OTOR: variants seen among roughly 807,000 people sequenced by gnomAD.
The protein encoded by OTOR is otoraplin.
In OTOR, 20 loss-of-function variants were observed where a neutral mutation model predicts 15.9. The ratio of observed to expected loss-of-function variants is 1.26; its 90% CI spans 0.89 to 1.83. The LOEUF (loss-of-function observed/expected upper bound fraction) is 1.83. Among genes scored for constraint, OTOR ranks in the 40% most tolerant of loss-of-function variants. OTOR has a pLI of 0.00. For synonymous variants in OTOR, 53 were observed against 54.2 expected, an observed-to-expected ratio of 0.98 and a Z score of 0.09; for missense variants, 184 against 159.0, an observed-to-expected ratio of 1.16 and a Z score of -0.85.
At chr20:16,748,638 T>C in intron 1 of OTOR, 122 bp downstream of exon 1, 1 of 735,294 alleles carries the variant, frequency 1.4e-6, no homozygotes, top group South Asian at 1.8e-5. Flanking sequence ...GTTATCAGCT[T>C]TGTTTCTTCT....
chr20:16,751,501 G>T lies in OTOR; in HGVS notation c.*383G>T, dbSNP rs2072528962. ...GATTTGCCATATATAAAATAGGTGG[G>T]TCGTATGTCTTCCCTTTAGACATGA... is the stretch of plus-strand genomic sequence containing the variant. On this transcript the variant is annotated 3_prime_UTR_variant, in exon 4 of 4. Transcript: ENST00000246081. The T allele has an allele frequency of 5.7e-6, 1 of 176,202 alleles. No individual in the cohort carries two copies. Among genetic ancestry groups the T allele is most frequent in the African/African-American group, 2.4e-5 (1 of 42,330 alleles). 10.9% of individuals were successfully genotyped at this position (176,202 alleles called of 1,614,324 possible). A position where few individuals can be genotyped will look rare whatever the true frequency, so the allele number is the denominator to read the frequency against.
rs1224724615 is a variant in OTOR at position 16,748,916 on chromosome 20, T to C, written c.165T>C (p.Cys55=). The part of the protein sequence containing the change: ...SAQEDYNAPD[C]RFINVKKGQQ... ...AAGAAGATTATAATGCCCCGGACTG[T>C]AGATTCATTAACGTTAAAAAAGGGC... Residue 55 remains cysteine (C), a synonymous_variant, in exon 2 of 4, where the codon TGT becomes TGC. Coordinates refer to ENST00000246081, the MANE Select transcript of OTOR (RefSeq NM_020157.4). 8 of 1,611,058 alleles carry C rather than the reference T, an allele frequency of 5.0e-6. No homozygotes were observed. The highest frequency in any genetic ancestry group is 1.6e-4 in the Middle Eastern group (1 of 6,072).
intron 3 of OTOR, among the ~76,000 whole-genome samples, chr20:16,750,404 T>TGTGTGTG (rs2072522152): frequency 2.3e-5 from 1 of 43,496 alleles, no homozygotes; most frequent in Non-Finnish European, 3.9e-5. Flanking sequence ...TAGTTACCTT[T>TGTGTGTG]GTGTGTGTGT....
At chr20:16,751,029 A>G (rs536167142) in intron 3 of OTOR, 66 bp from the exon 4 acceptor site, 4 of 1,213,036 alleles carry the variant, frequency 3.3e-6, no homozygotes, top group African/African-American at 3.1e-5. Flanking sequence ...TAAATACAGA[A>G]TCTACATCTG....
At chr20:16,749,812 T>G in intron 2 of OTOR, 91 bp from the exon 3 acceptor site, 1 of 853,754 alleles carries the variant, frequency 1.2e-6, no homozygotes, top group Non-Finnish European at 1.9e-6. Context: ...GCAGCTATGA[T>G]TCTCACTATC....
At position 16,748,952 on chromosome 20, in the gene OTOR, T is replaced by A; in HGVS notation, c.201T>A (p.Tyr67Ter). The A allele has an allele frequency of 6.2e-7, 1 of 1,612,516 alleles. No homozygotes were observed. The change falls in exon 2 of 4, where the codon TAT (tyrosine) becomes TAA (stop). Residue 67 changes from tyrosine to a stop codon, truncating the protein, a stop_gained. Coordinates refer to ENST00000246081, the MANE Select transcript of OTOR (RefSeq NM_020157.4). LOFTEE classifies it high-confidence loss of function. Reference sequence around the variant, plus strand: ...ACGTTAAAAAAGGGCAGCAGATCTATGTGTACTCAAAGCTGGTAAAAGAAA... The same window carrying A: ...ACGTTAAAAAAGGGCAGCAGATCTAAGTGTACTCAAAGCTGGTAAAAGAAA... The part of the protein sequence containing the change: ...FINVKKGQQI[Y>*]VYSKLVKENG...
At position 16,749,938 on chromosome 20, in the gene OTOR, G is replaced by C. The variant is rs2072517767; in HGVS notation, c.291G>C (p.Val97=). Residue 97 remains valine, a synonymous_variant, in exon 3 of 4, where the codon GTG becomes GTC. Coordinates refer to ENST00000246081, the MANE Select transcript of OTOR (RefSeq NM_020157.4). ...YGDGQDEMGV[V]GYFPRNLVKE... ...ATGGCCAGGACGAGATGGGAGTCGT[G>C]GGTTATTTCCCCAGGAACTTGGTCA... The C allele has an allele frequency of 6.2e-7, 1 of 1,613,626 alleles. No homozygotes were observed. Among genetic ancestry groups the C allele is most frequent in the Non-Finnish European group, 8.5e-7 (1 of 1,179,770 alleles).
chr20:16,751,009 G>A, intron 3 of OTOR, 86 bp from the exon 4 acceptor site: 1 of 1,013,646 alleles, frequency 9.9e-7, no homozygotes, highest in Non-Finnish European at 1.4e-6. Context: ...TCTCTGATTA[G>A]ATATGACTTT....
In OTOR at chr20:16,751,335, G is replaced by T. The variant is rs910902301; in HGVS notation, c.*217G>T. The T allele has an allele frequency of 4.5e-5, 23 of 514,860 alleles. No homozygotes were observed. The highest frequency in any genetic ancestry group is 3.3e-4 in the East Asian group (10 of 30,200). 31.9% of individuals were successfully genotyped at this position (514,860 alleles called of 1,614,324 possible). On this transcript the variant is annotated 3_prime_UTR_variant, in exon 4 of 4. Coordinates refer to ENST00000246081, the MANE Select transcript of OTOR (RefSeq NM_020157.4). ...GCCTGGTCTGCCCACGAGCTAGAGC[G>T]GGGAAATGTTGAGCTCAAATGGGTA...
chr20:16,751,164 G>A lies in OTOR; in HGVS notation c.*46G>A, dbSNP rs1268481267. On this transcript the variant is annotated 3_prime_UTR_variant, in exon 4 of 4. Transcript: ENST00000246081. The stretch of plus-strand genomic sequence containing the variant: ...ATAGAAAGAAAACACCAAAAATAAA[G>A]AAAAGAGCAAAAGTGGCCAAAAAAT... 4.3e-6 allele frequency: 6 copies of A among 1,402,880 alleles called. No homozygotes were observed. The highest frequency in any genetic ancestry group is 5.8e-6 in the Non-Finnish European group (6 of 1,028,690). 86.9% of individuals were successfully genotyped at this position (1,402,880 alleles called of 1,614,324 possible). A position where few individuals can be genotyped will look rare whatever the true frequency, so the allele number is the denominator to read the frequency against.
Position 16,749,966 on chromosome 20 carries a change from G to C in OTOR, c.319G>C (p.Glu107Gln). Reference sequence around the variant, plus strand: ...TTATTTCCCCAGGAACTTGGTCAAGGAACAGCGTGTGTACCAGGAAGCTAC... The same window carrying C: ...TTATTTCCCCAGGAACTTGGTCAAGCAACAGCGTGTGTACCAGGAAGCTAC... ...VGYFPRNLVK[E>Q]QRVYQEATKE... Residue 107 changes from glutamate (E) to glutamine (Q), a missense_variant, in exon 3 of 4, where the codon GAA becomes CAA. Glu to Gln is a conservative substitution (Grantham distance 29, BLOSUM62 2). Coordinates refer to ENST00000246081, the MANE Select transcript of OTOR (RefSeq NM_020157.4). The C allele has an allele frequency of 6.2e-7, 1 of 1,613,822 alleles. No homozygotes were observed. Among genetic ancestry groups the C allele is most frequent in the African/African-American group, 1.3e-5 (1 of 75,026 alleles).
rs193047759 is a variant in OTOR, at chr20:16,751,282, T to G, written c.*164T>G. 1.7e-5 allele frequency: 10 copies of G among 575,910 alleles called. No individual in the cohort carries two copies. In the East Asian group the frequency reaches 1.8e-4, roughly 11 times the overall value. The allele number at this position is 575,910 out of a possible 1,614,324, so 35.7% of individuals were successfully genotyped here. ...GTTGGAGGTGGCAGATAAAAGAGGA[T>G]TTTCAACTCAAATCTTGTTTCCTGC... On this transcript the variant is annotated 3_prime_UTR_variant, in exon 4 of 4. Coordinates refer to ENST00000246081, the MANE Select transcript of OTOR (RefSeq NM_020157.4).
In OTOR at chr20:16,748,478, T is replaced by C. The variant is rs1305565280; in HGVS notation, c.77T>C (p.Leu26Pro). 6 of 1,613,450 alleles carry C rather than the reference T, an allele frequency of 3.7e-6. No individual in the cohort carries two copies. Among genetic ancestry groups the C allele is most frequent in the Non-Finnish European group, 5.1e-6 (6 of 1,179,334 alleles). ...CAVHGIFMDR[L>P]ASKKLCADDE... ...GTGCATGGAATATTTATGGACCGTC[T>C]AGCTTCCAAGAAGCTCTGTGCAGAT... The change falls in exon 1 of 4, where the codon CTA (leucine) becomes CCA (proline). Residue 26 changes from leucine (L) to proline (P), a missense_variant. Coordinates refer to ENST00000246081, the MANE Select transcript of OTOR (RefSeq NM_020157.4).
At chr20:16,749,714 A>G in intron 2 of OTOR, 189 bp from the exon 3 acceptor site, 4 of 575,536 alleles carry the variant, frequency 7.0e-6, no homozygotes, top group Non-Finnish European at 1.3e-5. Flanking sequence ...CAGTAGATGC[A>G]CAATTCCTGC....
chr20:16,749,016 T>G lies in OTOR; in HGVS notation c.255+10T>G, dbSNP rs200086942. ...ATTTTGGGCTGGCAGTGTAAGATAA[T>G]TTAAACACCTATTGACGAATATTGC... On this transcript the variant is annotated intron_variant, in intron 2 of 3. Coordinates refer to ENST00000246081, the MANE Select transcript of OTOR (RefSeq NM_020157.4). The G allele has an allele frequency of 9.5e-6, 8 of 842,438 alleles. No homozygotes were observed. The highest frequency in any genetic ancestry group is 1.3e-5 in the Non-Finnish European group (8 of 600,100). The allele number at this position is 842,438 out of a possible 1,614,324, so 52.2% of individuals were successfully genotyped here. A position where few individuals can be genotyped will look rare whatever the true frequency, so the allele number is the denominator to read the frequency against.
rs528653899 is a variant in OTOR, at chr20:16,748,805, C to A, written c.116-62C>A. ...TTTCTAGTTTTTCTAATATACATTG[C>A]CTTTTACTGTTATAAAATTCAGGAG... is the stretch of plus-strand genomic sequence containing the variant. On this transcript the variant is annotated intron_variant, in intron 1 of 3. Coordinates refer to ENST00000246081, the MANE Select transcript of OTOR (RefSeq NM_020157.4). The A allele has an allele frequency of 1.3e-5, 16 of 1,274,614 alleles. No homozygotes were observed. The South Asian group carries it at 2.3e-4, about 18-fold the overall frequency. 79.0% of individuals were successfully genotyped at this position (1,274,614 alleles called of 1,614,324 possible).
chr20:16,750,125 G>A (rs1396732331), intron 3 of OTOR, 115 bp downstream of exon 3: 1 of 639,824 alleles, frequency 1.6e-6, no homozygotes, highest in Non-Finnish European at 2.7e-6. Flanking sequence ...CCAACTTTCA[G>A]TGGCGACTTT....
At position 16,748,435 on chromosome 20, in the gene OTOR, C is replaced by T. The variant is rs766220731; in HGVS notation, c.34C>T (p.Leu12Phe). The change falls in exon 1 of 4, where the codon CTT becomes TTT. Residue 12 changes from leucine (L) to phenylalanine (F), a missense_variant. Transcript: ENST00000246081. ...ARILLLFLPG[L>F]VAVCAVHGIF... ...AATATTGTTACTTTTCCTCCCGGGT[C>T]TTGTGGCTGTATGTGCTGTGCATGG... 1 of 1,613,392 alleles carries T rather than the reference C, an allele frequency of 6.2e-7. No individual in the cohort carries two copies. Among genetic ancestry groups the T allele is most frequent in the South Asian group, 1.1e-5 (1 of 91,060 alleles).
At chr20:16,749,585 T>C (rs2122520471) in intron 2 of OTOR, 1 of 272,460 alleles carries the variant, frequency 3.7e-6, no homozygotes, top group East Asian at 7.4e-5. Context: ...TACAGTACTT[T>C]AAAAAAATGT....
Sources: allele counts gnomAD v4.1 joint callset (sites outside exome capture counted in the v4.1 genomes callset), GRCh38; gene constraint gnomAD v4.1.1; transcripts MANE v1.5; gene names NCBI Gene and HGNC (gene_info 2026-07-23, HGNC 2026-07-21).